Variants in TACC2 observed in about 807,000 individuals in gnomAD.
The protein encoded by TACC2 is transforming acidic coiled-coil containing protein 2.
In TACC2, 137 loss-of-function variants were observed where a neutral mutation model predicts 227.3. The observed-to-expected ratio is 0.60, with a 90% CI of 0.52 to 0.69. The LOEUF (loss-of-function observed/expected upper bound fraction) is 0.69. Among genes scored for constraint, TACC2 ranks in the 30% least tolerant of loss-of-function variants. The pLI is 0.00. For synonymous variants in TACC2, 1,523 were observed against 1,487.5 expected (o/e 1.02, Z -0.55); for missense variants, 3,470 against 3,694.4 (o/e 0.94, Z 1.57).
chr10:122,001,193 G>A (rs1565034900), intron 1 of TACC2, among the ~76,000 whole-genome samples: 1 of 152,164 alleles, frequency 6.6e-6, no homozygotes, highest in Non-Finnish European at 1.5e-5. Flanking sequence ...TTTTGTATTA[G>A]TTTGTTCTCA....
At chr10:122,240,492 T>C (rs1440450947) in intron 18 of TACC2, among the ~76,000 whole-genome samples, 3 of 152,144 alleles carry the variant, frequency 2.0e-5, no homozygotes, top group East Asian at 1.9e-4. Flanking sequence ...CTACCTTCAT[T>C]ATCCCTTTTA....
At chr10:122,147,677 A>G (rs571632281) in intron 7 of TACC2, among the ~76,000 whole-genome samples, 3 of 152,362 alleles carry the variant, frequency 2.0e-5, no homozygotes, top group East Asian at 1.9e-4. Flanking sequence ...TCTTTGGGTT[A>G]TAACCCAATA....
intron 2 of TACC2, among the ~76,000 whole-genome samples, chr10:122,039,101 G>T (rs1273743042): frequency 6.6e-6 from 1 of 152,132 alleles, no homozygotes; most frequent in African/African-American, 2.4e-5. Context: ...TCAGCCTCCG[G>T]AGTAGCTGGG....
chr10:122,082,633 T>A lies in TACC2; in HGVS notation c.147-14T>A, dbSNP rs570219477. On this transcript the variant is annotated splice_polypyrimidine_tract_variant and intron_variant, in intron 3 of 22. Transcript: ENST00000369005. ...GGCATCCATGATAACCAATGAAACA[T>A]TAAATATTTTCAGCATTGGCAGCGT... The A allele has an allele frequency of 3.8e-6, 6 of 1,595,920 alleles. No homozygotes were observed. In the African/African-American group the frequency reaches 4.0e-5, roughly 11 times the overall value.
chr10:122,057,794 C>A (rs1029439470), intron 3 of TACC2, among the ~76,000 whole-genome samples: 2 of 152,074 alleles, frequency 1.3e-5, no homozygotes, highest in African/African-American at 4.8e-5. Flanking sequence ...CCATTGCACT[C>A]CAGCCTGGAC....
At chr10:122,056,497 T>C (rs2076226564) in intron 3 of TACC2, among the ~76,000 whole-genome samples, 1 of 152,130 alleles carries the variant, frequency 6.6e-6, no homozygotes, top group African/African-American at 2.4e-5. Context: ...TTCTAACAGG[T>C]TCCCAGGTAT....
rs1445209818 is a variant in TACC2 at position 122,085,576 on chromosome 10, C to T, written c.3076C>T (p.Pro1026Ser). 8 of 1,613,286 alleles carry T rather than the reference C, an allele frequency of 5.0e-6. No individual in the cohort carries two copies. The South Asian group carries it at 6.6e-5, about 13-fold the overall frequency. The change falls in exon 4 of 23, where the codon CCA (proline) becomes TCA (serine). Residue 1026 changes from proline to serine, a missense_variant. Coordinates refer to ENST00000369005, the MANE Select transcript of TACC2 (RefSeq NM_206862.4). Reference protein sequence around the residue: ...GASEAADGCSPLWGLSKREMA... With the variant: ...GASEAADGCSSLWGLSKREMA... ...TTCTGAAGCAGCTGATGGTTGTTCC[C>T]CACTCTGGGGCTTGAGTAAGAGGGA...
intron 7 of TACC2, chr10:122,192,671 C>A: frequency 2.2e-6 from 1 of 456,542 alleles, no homozygotes; most frequent in Non-Finnish European, 4.4e-6. Flanking sequence ...GGCTGTTCTT[C>A]AGCGGAAATG....
chr10:122,049,713 A>T (rs560213436), intron 2 of TACC2, among the ~76,000 whole-genome samples: 1 of 151,784 alleles, frequency 6.6e-6, no homozygotes, highest in East Asian at 1.9e-4. Flanking sequence ...AAATAGCATC[A>T]TTTAAATGAG....
At chr10:122,059,226 T>A (rs2076539223) in intron 3 of TACC2, among the ~76,000 whole-genome samples, 1 of 152,024 alleles carries the variant, frequency 6.6e-6, no homozygotes, top group Non-Finnish European at 1.5e-5. Flanking sequence ...TCCATCTGTG[T>A]TTTTAATAAG....
Position 122,082,605 on chromosome 10 carries a change from C to T in TACC2, c.147-42C>T, listed in dbSNP as rs199993183. 18 of 1,565,960 alleles carry T rather than the reference C, an allele frequency of 1.1e-5. No homozygotes were observed. The Middle Eastern group carries it at 8.7e-4, about 75-fold the overall frequency. On this transcript the variant is annotated intron_variant, in intron 3 of 22. Transcript: ENST00000369005. ...GACCTGCCTGCAGTGTGGCTCTGTC[C>T]TTGGCATCCATGATAACCAATGAAA...
At chr10:122,160,099 G>A (rs2092728032) in intron 7 of TACC2, among the ~76,000 whole-genome samples, 1 of 152,210 alleles carries the variant, frequency 6.6e-6, no homozygotes, top group Non-Finnish European at 1.5e-5. Flanking sequence ...AAAGTAATGT[G>A]AGAATAAGCT....
intron 9 of TACC2, among the ~76,000 whole-genome samples, chr10:122,213,798 G>A (rs2095345605): frequency 2.0e-5 from 3 of 152,292 alleles, no homozygotes; most frequent in South Asian, 2.1e-4. Flanking sequence ...GGCAGCGACG[G>A]CCACAGCTTA....
rs2091965674 is a variant in TACC2, at chr10:122,150,853, C to A, written c.5834+7147C>A. On this transcript the variant is annotated intron_variant, in intron 7 of 22. Coordinates refer to ENST00000369005, the MANE Select transcript of TACC2 (RefSeq NM_206862.4). The surrounding 1 kb of genome is among the most constrained non-coding windows in gnomAD (Gnocchi z 4.0). ...TGCATTTTTTGATCCTGCCAGCCAG[C>A]CTCTCGGCAGATACATCCCGGTTGA... Among the ~76,000 whole-genome samples, 1 of 152,206 alleles carries A rather than the reference C, an allele frequency of 6.6e-6. No homozygotes were observed. Among genetic ancestry groups the A allele is most frequent in the African/African-American group, 2.4e-5 (1 of 41,456 alleles).
chr10:122,080,310 G>A (rs1041469778), intron 3 of TACC2, among the ~76,000 whole-genome samples: 6 of 148,814 alleles, frequency 4.0e-5, no homozygotes, highest in African/African-American at 1.5e-4. Context: ...TCAGCTCACT[G>A]CAGCCTCAAC....
At chr10:122,230,309 T>C in intron 15 of TACC2, 42 bp from the exon 16 acceptor site, 1 of 1,522,382 alleles carries the variant, frequency 6.6e-7, no homozygotes. Context: ...ACGTCTGTCT[T>C]GATGCATTTC....
At chr10:122,232,344 G>GAT (rs146070034) in intron 16 of TACC2, among the ~76,000 whole-genome samples, 11,523 of 152,296 alleles carry the variant, frequency 0.076, 620 homozygotes, top group Middle Eastern at 0.17. Flanking sequence ...GCTCAGGGTG[G>GAT]ATATGGAGTG....
intron 9 of TACC2, among the ~76,000 whole-genome samples, chr10:122,215,062 G>C (rs1265186813): frequency 1.3e-5 from 2 of 152,150 alleles, no homozygotes; most frequent in Non-Finnish European, 2.9e-5. Flanking sequence ...GAAGAATCCA[G>C]ATAAATTAAT....
At chr10:122,133,236 C>T (rs2088760635) in intron 6 of TACC2, among the ~76,000 whole-genome samples, 1 of 152,088 alleles carries the variant, frequency 6.6e-6, no homozygotes, top group Non-Finnish European at 1.5e-5. Flanking sequence ...CCGCCCCTGC[C>T]CTTCTGCCAT....
Sources: gnomAD v4.1 joint callset for allele counts (sites outside exome capture counted in the v4.1 genomes callset) on GRCh38, gnomAD v4.1.1 for gene constraint, Gnocchi (gnomAD v3.1) non-coding constraint, MANE v1.5 for transcripts, NCBI Gene and HGNC (gene_info 2026-07-23, HGNC 2026-07-21) for gene names.